The following MMAB variants were observed in gnomAD, a reference collection of about 807,000 sequenced individuals.
MMAB encodes corrinoid adenosyltransferase MMAB.
Under a neutral mutation model 30.6 loss-of-function variants are expected in MMAB, and 17 were observed. The ratio of observed to expected loss-of-function variants is 0.56; its 90% CI spans 0.38 to 0.83. The LOEUF is 0.83. Among genes scored for constraint, MMAB ranks in the 40% least tolerant of loss-of-function variants. The pLI, the probability that MMAB is intolerant of heterozygous loss-of-function variation, is 0.00. For synonymous variants in MMAB, 134 were observed against 138.6 expected, an observed-to-expected ratio of 0.97 and a Z score of 0.23; for missense variants, 311 against 331.6, an observed-to-expected ratio of 0.94 and a Z score of 0.48.
intron 7 of MMAB, among the ~76,000 whole-genome samples, chr12:109,559,724 G>A (rs1321454200): frequency 3.3e-5 from 5 of 152,204 alleles, no homozygotes; most frequent in Admixed American, 6.5e-5. Flanking sequence ...GGCCCTTGCC[G>A]AGCCTTTCCC....
Position 109,553,833 on chromosome 12 carries a change from G to C in MMAB, c.*3195C>G. 2.2e-6 allele frequency: 1 copy of C among 453,670 alleles called. No homozygotes were observed. Among genetic ancestry groups the C allele is most frequent in the Non-Finnish European group, 4.4e-6 (1 of 226,366 alleles). The allele number at this position is 453,670 out of a possible 1,614,324, so 28.1% of individuals were successfully genotyped here. A position where few individuals can be genotyped will look rare whatever the true frequency, so the allele number is the denominator to read the frequency against. The stretch of plus-strand genomic sequence containing the variant: ...ACTGGGACAGGGCGATCATAAAACT[G>C]AATGGGCTGTCGGAAGGTGTCGAGG... On this transcript the variant is annotated 3_prime_UTR_variant, in exon 9 of 9. Transcript: ENST00000545712.
At position 109,556,862 on chromosome 12, in the gene MMAB, C is replaced by A; in HGVS notation, c.*166G>T. 2 of 688,496 alleles carry A rather than the reference C, an allele frequency of 2.9e-6. No homozygotes were observed. The highest frequency in any genetic ancestry group is 5.3e-6 in the Non-Finnish European group (2 of 377,282). 42.6% of individuals were successfully genotyped at this position (688,496 alleles called of 1,614,324 possible). A position where few individuals can be genotyped will look rare whatever the true frequency, so the allele number is the denominator to read the frequency against. On this transcript the variant is annotated 3_prime_UTR_variant, in exon 9 of 9. Coordinates refer to ENST00000545712, the MANE Select transcript of MMAB (RefSeq NM_052845.4). Reference sequence around the variant, plus strand: ...CAGAATCCCCAAAGGGTCACAGTCCCTTGAGGAAGGTGGCAAGAGGTGTAG... The same window carrying A: ...CAGAATCCCCAAAGGGTCACAGTCCATTGAGGAAGGTGGCAAGAGGTGTAG...
intron 8 of MMAB, 31 bp from the exon 9 acceptor site, chr12:109,557,167 A>G (rs1406813820): frequency 7.0e-7 from 1 of 1,422,784 alleles, no homozygotes; most frequent in Admixed American, 1.7e-5. Context: ...AAGCAAACAG[A>G]ATGGTTTGAA....
At position 109,561,496 on chromosome 12, in the gene MMAB, C is replaced by T. The variant is rs767704391; in HGVS notation, c.443G>A (p.Gly148Glu). Residue 148 changes from glycine (G) to glutamate (E), a missense_variant, in exon 6 of 9, where the codon GGG (glycine) becomes GAG (glutamate). Gly to Glu is a moderately conservative substitution (Grantham distance 98). Transcript: ENST00000545712. This position sits in a 1 kb window ranked among gnomAD's most constrained non-coding sequence, Gnocchi z 5.3. The stretch of plus-strand genomic sequence containing the variant: ...CCACTGCTCCAGCTCCAGGATGGGC[C>T]CCGCCTTGAACGTGGTATACTCTGA... ...AHLKYTTFKAGPILELEQWID... is the reference protein window; with the variant it reads ...AHLKYTTFKAEPILELEQWID... 6.5e-7 allele frequency: 1 copy of T among 1,549,964 alleles called. No individual in the cohort carries two copies. Among genetic ancestry groups the T allele is most frequent in the South Asian group, 1.2e-5 (1 of 84,030 alleles).
chr12:109,553,854 C>T lies in MMAB; in HGVS notation c.*3174G>A, dbSNP rs1425762075. 8.8e-6 allele frequency: 4 copies of T among 453,888 alleles called. No homozygotes were observed. The highest frequency in any genetic ancestry group is 2.3e-5 in the Admixed American group (1 of 42,554). The allele number at this position is 453,888 out of a possible 1,614,324, so 28.1% of individuals were successfully genotyped here. ...AACTGAATGGGCTGTCGGAAGGTGT[C>T]GAGGCAGCAGCAAGGGTGACATTGC... On this transcript the variant is annotated 3_prime_UTR_variant, in exon 9 of 9. Transcript: ENST00000545712.
rs573664611 is a variant in MMAB at position 109,561,575 on chromosome 12, C to A, written c.422-58G>T. The A allele has an allele frequency of 2.1e-6, 3 of 1,443,154 alleles. No homozygotes were observed. The highest frequency in any genetic ancestry group is 1.4e-5 in the African/African-American group (1 of 71,148). The allele number at this position is 1,443,154 out of a possible 1,614,324, so 89.4% of individuals were successfully genotyped here. ...GAGGCCATCACCCACCAGACCATGG[C>A]GGGAACCACCCCCGCCGCCCTTCCA... On this transcript the variant is annotated intron_variant, in intron 5 of 8. Coordinates refer to ENST00000545712, the MANE Select transcript of MMAB (RefSeq NM_052845.4). This position sits in a 1 kb window ranked among gnomAD's most constrained non-coding sequence, Gnocchi z 5.3.
At chr12:109,566,500 C>T (rs1481922439) in intron 3 of MMAB, among the ~76,000 whole-genome samples, 3 of 152,246 alleles carry the variant, frequency 2.0e-5, no homozygotes, top group Non-Finnish European at 2.9e-5. Context: ...TGCCCCATGC[C>T]TGCCTCACAG....
At chr12:109,566,263 G>T (rs754180) in intron 3 of MMAB, among the ~76,000 whole-genome samples, 27,596 of 152,240 alleles carry the variant, frequency 0.18, 2,719 homozygotes, top group Middle Eastern at 0.25. Flanking sequence ...CCAACGAATC[G>T]AGGTGGCACA....
Position 109,561,300 on chromosome 12 carries a change from A to T in MMAB, c.519+120T>A. 3.2e-6 allele frequency: 5 copies of T among 1,559,450 alleles called. No homozygotes were observed. Among genetic ancestry groups the T allele is most frequent in the Non-Finnish European group, 4.3e-6 (5 of 1,159,844 alleles). ...GAGGGACCGGTGAGGACCTGGAGGG[A>T]CTTGGGGAACTGGAGGACAGCGTCT... On this transcript the variant is annotated intron_variant, in intron 6 of 8. Coordinates refer to ENST00000545712, the MANE Select transcript of MMAB (RefSeq NM_052845.4). This position sits in a 1 kb window ranked among gnomAD's most constrained non-coding sequence, Gnocchi z 5.3.
At chr12:109,562,590 G>A (rs772606769) in intron 4 of MMAB, among the ~76,000 whole-genome samples, 11 of 152,214 alleles carry the variant, frequency 7.2e-5, no homozygotes, top group African/African-American at 9.6e-5. Flanking sequence ...CTCTGTCCAC[G>A]TCTCCTGTGC....
At chr12:109,560,974 C>CA in intron 7 of MMAB, 66 bp downstream of exon 7, 1 of 522,072 alleles carries the variant, frequency 1.9e-6, no homozygotes, top group South Asian at 1.6e-5. Context: ...TCTCCCTCTC[C>CA]CTCCCCCCTC....
chr12:109,572,450 C>T (rs1884679657), intron 1 of MMAB, among the ~76,000 whole-genome samples: 1 of 144,382 alleles, frequency 6.9e-6, no homozygotes, highest in Non-Finnish European at 1.5e-5. Flanking sequence ...ACGGGTTTCA[C>T]CATGTTGCTC....
Position 109,558,120 on chromosome 12 carries a change from G to A in MMAB, c.644+976C>T, listed in dbSNP as rs530055653. 9.9e-5 allele frequency among the ~76,000 whole-genome samples: 15 copies of A among 152,238 alleles called. No individual in the cohort carries two copies. Among genetic ancestry groups the A allele is most frequent in the South Asian group, 6.2e-4 (3 of 4,828 alleles). ...CTGACTCAGGCCCCCTGGGCCCCAC[G>A]GCTGGCTCTCAGGAAGAGCGAAGGG... is the stretch of plus-strand genomic sequence containing the variant. On this transcript the variant is annotated intron_variant, in intron 8 of 8. Coordinates refer to ENST00000545712, the MANE Select transcript of MMAB (RefSeq NM_052845.4). The surrounding 1 kb of genome is among the most constrained non-coding windows in gnomAD (Gnocchi z 4.3).
chr12:109,555,792 G>A lies in MMAB; in HGVS notation c.*1236C>T, dbSNP rs1489069658. The A allele has an allele frequency of 2.2e-6, 1 of 454,040 alleles. No homozygotes were observed. The highest frequency in any genetic ancestry group is 6.9e-5 in the East Asian group (1 of 14,390). 28.1% of individuals were successfully genotyped at this position (454,040 alleles called of 1,614,324 possible). On this transcript the variant is annotated 3_prime_UTR_variant, in exon 9 of 9. Transcript: ENST00000545712. The stretch of plus-strand genomic sequence containing the variant: ...TATACCTGGCCCTCCTGCAAACTTT[G>A]CAGGCCAGGTGGTAAGAATGAAGGC...
rs1884211514 is a variant in MMAB, at chr12:109,561,680, C to T, written c.421+100G>A. 7.8e-7 allele frequency: 1 copy of T among 1,287,600 alleles called. No individual in the cohort carries two copies. The highest frequency in any genetic ancestry group is 2.5e-5 in the East Asian group (1 of 39,730). The allele number at this position is 1,287,600 out of a possible 1,614,324, so 79.8% of individuals were successfully genotyped here. A position where few individuals can be genotyped will look rare whatever the true frequency, so the allele number is the denominator to read the frequency against. On this transcript the variant is annotated intron_variant, in intron 5 of 8. Coordinates refer to ENST00000545712, the MANE Select transcript of MMAB (RefSeq NM_052845.4). The surrounding 1 kb of genome is among the most constrained non-coding windows in gnomAD (Gnocchi z 5.3). ...GAGCTACGAGCAAGGCTAACTGACCCACCCGTGGGTCCCTGGGGGCCTGGG... is the reference window on the plus strand; with the variant it reads ...GAGCTACGAGCAAGGCTAACTGACCTACCCGTGGGTCCCTGGGGGCCTGGG...
At chr12:109,565,709 A>C (rs1410050254) in intron 3 of MMAB, among the ~76,000 whole-genome samples, 2 of 152,206 alleles carry the variant, frequency 1.3e-5, no homozygotes, top group Non-Finnish European at 2.9e-5. Context: ...TGAAGGTGCA[A>C]ACTGAGATCA....
intron 4 of MMAB, among the ~76,000 whole-genome samples, chr12:109,563,837 G>C (rs892830424): frequency 2.0e-5 from 3 of 152,238 alleles, no homozygotes; most frequent in African/African-American, 7.2e-5. Flanking sequence ...GCTTCAGAAC[G>C]GAAGTGGGAA....
At position 109,573,379 on chromosome 12, in the gene MMAB, G is replaced by A. The variant is rs777662456; in HGVS notation, c.102C>T (p.Ser34=). 1.9e-6 allele frequency: 3 copies of A among 1,612,920 alleles called. No individual in the cohort carries two copies. The South Asian group carries it at 3.3e-5, about 18-fold the overall frequency. ...CGTCTTCCACGCCCTGAGGGCCGCG[G>A]CTCTGGAAACGGGGATACAGGAGCC... ...AARLLYPRFQ[S]RGPQGVEDGD... Residue 34 remains serine, a synonymous_variant, in exon 1 of 9, where the codon AGC becomes AGT. Coordinates refer to ENST00000545712, the MANE Select transcript of MMAB (RefSeq NM_052845.4).
Position 109,562,519 on chromosome 12 carries a change from G to T in MMAB, c.349-667C>A, listed in dbSNP as rs61940467. On this transcript the variant is annotated intron_variant, in intron 4 of 8. Coordinates refer to ENST00000545712, the MANE Select transcript of MMAB (RefSeq NM_052845.4). ...GGAAAAGGCTCCCATGGGGGCAGCA[G>T]CTGGGTTAAGCAGATGACACGCATC... is the stretch of plus-strand genomic sequence containing the variant. 3.7e-3 allele frequency among the ~76,000 whole-genome samples: 564 copies of T among 152,342 alleles called. 2 individuals are homozygous for T. Among genetic ancestry groups the T allele is most frequent in the Non-Finnish European group, 5.9e-3 (400 of 68,032 alleles).
Sources: allele counts gnomAD v4.1 joint callset (sites outside exome capture counted in the v4.1 genomes callset), GRCh38; gene constraint gnomAD v4.1.1; non-coding constraint Gnocchi (gnomAD v3.1); transcripts MANE v1.5; gene names NCBI Gene and HGNC (gene_info 2026-07-23, HGNC 2026-07-21).